TLR5: variants seen among roughly 807,000 people sequenced by gnomAD.
TLR5 encodes toll-like receptor 5.
For missense variants in TLR5, 944 were observed against 999.8 expected (o/e 0.94, Z 0.75); for synonymous variants, 373 against 384.4 (o/e 0.97, Z 0.35).
intron 5 of TLR5, among the ~76,000 whole-genome samples, chr1:223,113,965 G>C (rs144402345): frequency 1.6e-3 from 237 of 152,258 alleles, no homozygotes; most frequent in Middle Eastern, 3.4e-3. Context: ...ATTTGTCTAG[G>C]CTACTGGCCC....
chr1:223,111,869 G>A lies in TLR5; in HGVS notation c.1163C>T (p.Thr388Ile). 1.2e-6 allele frequency: 2 copies of A among 1,613,902 alleles called. No individual in the cohort carries two copies. Among genetic ancestry groups the A allele is most frequent in the Non-Finnish European group, 8.5e-7 (1 of 1,179,902 alleles). Reference sequence around the variant, plus strand: ...AAGAGCATTGTCTCGGAGATCCAAGGTCTGTAATTTTTCCAGGAATTTGAA... The same window carrying A: ...AAGAGCATTGTCTCGGAGATCCAAGATCTGTAATTTTTCCAGGAATTTGAA... ...QTFKFLEKLQ[T>I]LDLRDNALTT... The change falls in exon 6 of 6, where the codon ACC becomes ATC. Residue 388 changes from threonine to isoleucine, a missense_variant. Coordinates refer to ENST00000642603, the MANE Select transcript of TLR5 (RefSeq NM_003268.6).
In TLR5 at chr1:223,111,938, A is replaced by T. The variant is rs772726477; in HGVS notation, c.1094T>A (p.Ile365Asn). The T allele has an allele frequency of 6.2e-7, 1 of 1,614,188 alleles. No homozygotes were observed. The highest frequency in any genetic ancestry group is 1.7e-5 in the Admixed American group (1 of 60,026). The change falls in exon 6 of 6, where the codon ATT becomes AAT. Residue 365 changes from isoleucine to asparagine, a missense_variant. Ile to Asn is a moderately radical substitution (Grantham distance 149). Coordinates refer to ENST00000642603, the MANE Select transcript of TLR5 (RefSeq NM_003268.6). ...NFYGLPKVAY[I>N]DLQKNHIAII... Reference sequence around the variant, plus strand: ...TGCAATGTGATTCTTTTGCAAATCAATGTAGGCTACCTTAGGTAGTCCATA... The same window carrying T: ...TGCAATGTGATTCTTTTGCAAATCATTGTAGGCTACCTTAGGTAGTCCATA...
At chr1:223,125,766 C>T (rs2430403) in intron 5 of TLR5, among the ~76,000 whole-genome samples, 98,542 of 152,042 alleles carry the variant, frequency 0.65, 32,883 homozygotes, top group African/African-American at 0.8. Flanking sequence ...GGCTACACAC[C>T]GGAATCACCA....
intron 5 of TLR5, among the ~76,000 whole-genome samples, chr1:223,122,490 G>A (rs1656992821): frequency 6.6e-6 from 1 of 152,154 alleles, no homozygotes; most frequent in Non-Finnish European, 1.5e-5. Context: ...CAAGAATAGT[G>A]GGGGAGAACA....
At chr1:223,114,569 C>G (rs1656529746) in intron 5 of TLR5, among the ~76,000 whole-genome samples, 1 of 152,128 alleles carries the variant, frequency 6.6e-6, no homozygotes, top group African/African-American at 2.4e-5. Flanking sequence ...CTGGAGCAGT[C>G]ACGGTGCTGG....
Position 223,112,556 on chromosome 1 carries a change from C to T in TLR5, c.476G>A (p.Ser159Asn), listed in dbSNP as rs1290752338. ...RLDLSKNQIRSLYLHPSFGKL... is the reference protein window; with the variant it reads ...RLDLSKNQIRNLYLHPSFGKL... ...CCCAAATGAAGGATGAAGGTAAAGG[C>T]TACGAATCTGATTTTTGGATAGATC... The change falls in exon 6 of 6, where the codon AGC becomes AAC. Residue 159 changes from serine (S) to asparagine (N), a missense_variant. Ser to Asn is a conservative substitution (Grantham distance 46). Transcript: ENST00000642603. The T allele has an allele frequency of 1.4e-5, 23 of 1,614,044 alleles. No homozygotes were observed. The highest frequency in any genetic ancestry group is 1.9e-5 in the Non-Finnish European group (23 of 1,180,032).
At chr1:223,121,762 A>G (rs1266767550) in intron 5 of TLR5, among the ~76,000 whole-genome samples, 2 of 152,184 alleles carry the variant, frequency 1.3e-5, no homozygotes, top group African/African-American at 2.4e-5. Flanking sequence ...TCAAGCAATC[A>G]GCCCACCTCG....
intron 5 of TLR5, among the ~76,000 whole-genome samples, chr1:223,117,774 T>C (rs1187074286): frequency 6.6e-6 from 1 of 152,134 alleles, no homozygotes; most frequent in African/African-American, 2.4e-5. Context: ...TGATTTTTGG[T>C]TGTCACAGTG....
Position 223,112,727 on chromosome 1 carries a change from A to C in TLR5, c.305T>G (p.Leu102Arg). ...RNLPNLRILD[L>R]GSSKIYFLHP... ...CAAGAAGTATATCTTACTACTTCCC[A>C]GGTCCAAGATTCTAAGGTTGGGCAG... is the stretch of plus-strand genomic sequence containing the variant. Residue 102 changes from leucine to arginine, a missense_variant, in exon 6 of 6, where the codon CTG becomes CGG. Physicochemically the swap from Leu to Arg is moderately radical, Grantham distance 102 (BLOSUM62 -2). Coordinates refer to ENST00000642603, the MANE Select transcript of TLR5 (RefSeq NM_003268.6). 1.9e-6 allele frequency: 3 copies of C among 1,614,258 alleles called. No individual in the cohort carries two copies. The highest frequency in any genetic ancestry group is 2.5e-6 in the Non-Finnish European group (3 of 1,180,062).
chr1:223,143,226 C>A lies in TLR5; in HGVS notation c.-585G>T, dbSNP rs531336217. The A allele has an allele frequency of 6.6e-6, 1 of 152,362 alleles. No individual in the cohort carries two copies. The highest frequency in any genetic ancestry group is 1.9e-4 in the East Asian group (1 of 5,150). The allele number at this position is 152,362 out of a possible 1,614,324, so 9.4% of individuals were successfully genotyped here. A position where few individuals can be genotyped will look rare whatever the true frequency, so the allele number is the denominator to read the frequency against. On this transcript the variant is annotated 5_prime_UTR_variant, in exon 1 of 6. Transcript: ENST00000642603. ...GGACGCCTCCCCGCGCCGCCTGCGC[C>A]ACGGTTGGCTCCTCCCGGACGCAAA... is the stretch of plus-strand genomic sequence containing the variant.
intron 1 of TLR5, among the ~76,000 whole-genome samples, 194 bp downstream of exon 1, chr1:223,143,002 T>C (rs1657945923): frequency 6.6e-6 from 1 of 152,060 alleles, no homozygotes; most frequent in South Asian, 2.1e-4. Context: ...GGACCCCACG[T>C]CTCGCGGGTG....
intron 5 of TLR5, among the ~76,000 whole-genome samples, chr1:223,119,098 C>A: frequency 6.6e-6 from 1 of 151,938 alleles, no homozygotes; most frequent in East Asian, 1.9e-4. Flanking sequence ...AGAGAGACTC[C>A]ATCTCAAAAG....
At chr1:223,125,986 A>G (rs956150831) in intron 5 of TLR5, among the ~76,000 whole-genome samples, 4 of 152,240 alleles carry the variant, frequency 2.6e-5, no homozygotes, top group Admixed American at 2.6e-4. Context: ...CGCATGACCC[A>G]GCAATTCCAC....
chr1:223,116,138 G>A (rs1479544039), intron 5 of TLR5, among the ~76,000 whole-genome samples: 1 of 152,172 alleles, frequency 6.6e-6, no homozygotes, highest in Non-Finnish European at 1.5e-5. Context: ...GCCCTTACTT[G>A]TCTTGTCTAT....
intron 5 of TLR5, among the ~76,000 whole-genome samples, chr1:223,122,188 A>C (rs1656981134): frequency 6.6e-6 from 1 of 152,168 alleles, no homozygotes; most frequent in South Asian, 2.1e-4. Context: ...TAGCATTGAC[A>C]CCCCACAGTG....
intron 5 of TLR5, chr1:223,124,032 C>T (rs942980189): frequency 2.6e-5 from 4 of 152,328 alleles, no homozygotes; most frequent in Admixed American, 2.0e-4. Context: ...TATCAGGTGA[C>T]ATACATTCCT....
chr1:223,133,045 A>G (rs1216756498), intron 4 of TLR5, among the ~76,000 whole-genome samples: 1 of 152,182 alleles, frequency 6.6e-6, no homozygotes, highest in Non-Finnish European at 1.5e-5. Context: ...CTCTCTAGGG[A>G]CAGATAGAAC....
chr1:223,124,789 A>G (rs1353607301), intron 5 of TLR5, among the ~76,000 whole-genome samples: 2 of 152,004 alleles, frequency 1.3e-5, no homozygotes, highest in Non-Finnish European at 2.9e-5. Flanking sequence ...TTTTTAGTAG[A>G]GATAGCCTTT....
chr1:223,136,576 C>G (rs566776902), intron 3 of TLR5, among the ~76,000 whole-genome samples: 1 of 152,344 alleles, frequency 6.6e-6, no homozygotes, highest in South Asian at 2.1e-4. Context: ...TTGAAGCTAT[C>G]TGAACCCAGT....
Sources: gnomAD v4.1 joint callset for allele counts (sites outside exome capture counted in the v4.1 genomes callset) on GRCh38, gnomAD v4.1.1 for gene constraint, MANE v1.5 for transcripts, NCBI Gene and HGNC (gene_info 2026-07-23, HGNC 2026-07-21) for gene names.